RASAL2: variants seen among roughly 807,000 people sequenced by gnomAD.
The protein encoded by RASAL2 is ras GTPase-activating protein nGAP.
In RASAL2, 58 loss-of-function variants were observed where a neutral mutation model predicts 128.9. That is an observed-to-expected ratio of 0.45 (90% confidence interval 0.36 to 0.56). The LOEUF is 0.56. Ranked by LOEUF, RASAL2 falls within the 20% of genes least tolerant of loss-of-function variation. The pLI is 0.00. For synonymous variants in RASAL2, 561 were observed against 580.8 expected (o/e 0.97, Z 0.49); for missense variants, 1,360 against 1,601.6 (o/e 0.85, Z 2.57).
chr1:178,184,190 T>A (rs560530440), intron 1 of RASAL2, among the ~76,000 whole-genome samples: 2 of 152,286 alleles, frequency 1.3e-5, no homozygotes, highest in Admixed American at 6.5e-5. Context: ...CTTTGTATAT[T>A]TTGGATACAA....
chr1:178,186,470 A>G (rs1343651354), intron 1 of RASAL2, among the ~76,000 whole-genome samples: 1 of 151,980 alleles, frequency 6.6e-6, no homozygotes, highest in African/African-American at 2.4e-5. Flanking sequence ...TTAAAAAAGT[A>G]TTTTGCCTTC....
intron 3 of RASAL2, among the ~76,000 whole-genome samples, chr1:178,375,376 T>G (rs1332408713): frequency 1.3e-5 from 2 of 152,102 alleles, no homozygotes; most frequent in African/African-American, 4.8e-5. Flanking sequence ...TGAAAGACCC[T>G]TGAGCAAGAA....
chr1:178,261,876 A>G (rs190742327), intron 1 of RASAL2, among the ~76,000 whole-genome samples: 8 of 151,392 alleles, frequency 5.3e-5, no homozygotes, highest in Admixed American at 1.3e-4. Context: ...AGATTGCACC[A>G]CTGTACTCCA....
intron 4 of RASAL2, among the ~76,000 whole-genome samples, chr1:178,418,043 T>C (rs1477543713): frequency 1.3e-5 from 2 of 152,080 alleles, no homozygotes; most frequent in African/African-American, 4.8e-5. Flanking sequence ...AGCCTTTGCC[T>C]TTATGTACTA....
At chr1:178,113,001 T>A (rs535937863) in intron 1 of RASAL2, among the ~76,000 whole-genome samples, 2 of 152,334 alleles carry the variant, frequency 1.3e-5, no homozygotes, top group South Asian at 4.1e-4. Flanking sequence ...GTTTTATAGT[T>A]TTTGTCCTAT....
chr1:178,315,320 G>A, intron 3 of RASAL2, among the ~76,000 whole-genome samples: 1 of 142,686 alleles, frequency 7.0e-6, no homozygotes, highest in Non-Finnish European at 1.5e-5. Flanking sequence ...TGGGATGGCT[G>A]GGTCAAATGG....
intron 1 of RASAL2, among the ~76,000 whole-genome samples, chr1:178,179,451 A>C (rs781176733): frequency 6.5e-4 from 99 of 152,184 alleles, no homozygotes; most frequent in African/African-American, 2.3e-3. Context: ...CGAAGAGTCC[A>C]CCTCTTCAAC....
chr1:178,200,429 C>T (rs977280485), intron 1 of RASAL2, among the ~76,000 whole-genome samples: 3 of 152,148 alleles, frequency 2.0e-5, no homozygotes, highest in African/African-American at 4.8e-5. Flanking sequence ...ATACCTTTGA[C>T]CATATATGGA....
intron 1 of RASAL2, among the ~76,000 whole-genome samples, chr1:178,127,752 A>T (rs901664648): frequency 1.3e-5 from 2 of 152,008 alleles, no homozygotes; most frequent in African/African-American, 4.8e-5. Flanking sequence ...CTTTTCATAC[A>T]TGTGCTCCCA....
intron 1 of RASAL2, among the ~76,000 whole-genome samples, chr1:178,102,757 G>C (rs993802419): frequency 6.6e-6 from 1 of 152,044 alleles, no homozygotes; most frequent in African/African-American, 2.4e-5. Flanking sequence ...AGTATAAAAA[G>C]ATATTCCATG....
intron 17 of RASAL2, 149 bp from the exon 18 acceptor site, chr1:178,472,926 T>C: frequency 1.2e-6 from 1 of 839,156 alleles, no homozygotes; most frequent in Non-Finnish European, 1.8e-6. Context: ...ACCTGACCAG[T>C]GTGCAGAAAG....
At position 178,478,281 on chromosome 1, in the gene RASAL2, T is replaced by G. The variant is rs1239366000; in HGVS notation, c.*5042T>G. The G allele has an allele frequency of 6.6e-6, 1 of 152,216 alleles. No individual in the cohort carries two copies. The highest frequency in any genetic ancestry group is 2.4e-5 in the African/African-American group (1 of 41,454). 9.4% of individuals were successfully genotyped at this position (152,216 alleles called of 1,614,324 possible). On this transcript the variant is annotated 3_prime_UTR_variant, in exon 18 of 18. Transcript: ENST00000367649. The stretch of plus-strand genomic sequence containing the variant: ...CAGATATTTATGTGTAAATATCATT[T>G]TATGTGATTTCCAAATTTTCGAGGG...
intron 3 of RASAL2, among the ~76,000 whole-genome samples, chr1:178,338,111 GA>G (rs1423702921): frequency 1.3e-5 from 2 of 151,624 alleles, no homozygotes; most frequent in Non-Finnish European, 2.9e-5. Context: ...TATGGTTTCA[GA>G]ATTTTTTTTT....
At chr1:178,097,283 A>C (rs1407379157) in intron 1 of RASAL2, among the ~76,000 whole-genome samples, 2 of 152,166 alleles carry the variant, frequency 1.3e-5, no homozygotes, top group Non-Finnish European at 2.9e-5. Context: ...ATCTGGAGTA[A>C]TTGGTATCTG....
chr1:178,408,612 G>GTTTTTTTTTTTT (rs756656921), intron 4 of RASAL2, among the ~76,000 whole-genome samples: 33 of 142,424 alleles, frequency 2.3e-4, no homozygotes, highest in African/African-American at 8.6e-4. Context: ...GTTTTTTTTT[G>GTTTTTTTTTTTT]TTTTTTGTTT....
chr1:178,411,871 AC>A, intron 4 of RASAL2: 1 of 729,184 alleles, frequency 1.4e-6, no homozygotes, highest in Non-Finnish European at 2.6e-6. Context: ...AGGAAATAGG[AC>A]CAAGACCCCT....
chr1:178,122,925 C>G (rs1171532146), intron 1 of RASAL2: 1 of 151,318 alleles, frequency 6.6e-6, no homozygotes, highest in African/African-American at 2.4e-5. Flanking sequence ...ATGAGTTGAC[C>G]AGAGACTAGT....
chr1:178,253,828 G>C (rs1444678151), intron 1 of RASAL2, among the ~76,000 whole-genome samples: 1 of 152,110 alleles, frequency 6.6e-6, no homozygotes, highest in East Asian at 1.9e-4. Context: ...GGCAGGAACA[G>C]GCCATTTTCA....
At chr1:178,445,760 T>C in intron 9 of RASAL2, 98 bp downstream of exon 9, 3 of 1,295,984 alleles carry the variant, frequency 2.3e-6, no homozygotes, top group Non-Finnish European at 2.1e-6. Flanking sequence ...CTGCATGTTA[T>C]TTAGTTCTAG....
Sources: gnomAD v4.1 joint callset for allele counts (sites outside exome capture counted in the v4.1 genomes callset) on GRCh38, gnomAD v4.1.1 for gene constraint, MANE v1.5 for transcripts, NCBI Gene and HGNC (gene_info 2026-07-23, HGNC 2026-07-21) for gene names.